Variants in BTBD1 observed in about 807,000 individuals in gnomAD.
BTBD1 encodes BTB domain containing 1, also known as BTB/POZ domain-containing protein 1.
BTBD1 carries 34 observed loss-of-function variants against 48.0 expected under a neutral mutation model. The ratio of observed to expected loss-of-function variants is 0.71; its 90% confidence interval spans 0.54 to 0.94. BTBD1 has a LOEUF of 0.94. Ranked by LOEUF, BTBD1 falls within the 40% of genes least tolerant of loss-of-function variation. The pLI is 0.00. For synonymous variants in BTBD1, 261 were observed against 242.1 expected, an observed-to-expected ratio of 1.08 and a Z score of -0.72; for missense variants, 543 against 625.6, an observed-to-expected ratio of 0.87 and a Z score of 1.41.
chr15:83,048,316 C>T (rs919708815), intron 3 of BTBD1, among the ~76,000 whole-genome samples: 7 of 152,240 alleles, frequency 4.6e-5, no homozygotes, highest in South Asian at 2.1e-4. Flanking sequence ...TTTAGCTGTT[C>T]TGTTTCAAAT....
In BTBD1 at chr15:83,056,530, A is replaced by T; in HGVS notation, c.417T>A (p.Asp139Glu). 1.9e-6 allele frequency: 3 copies of T among 1,613,656 alleles called. No homozygotes were observed. The highest frequency in any genetic ancestry group is 3.3e-5 in the Admixed American group (2 of 59,946). ...CTGTTTCTGGACCAATTTGAACTTCATCTGAATATAGAAATCTGGAAAACA... is the reference window on the plus strand; with the variant it reads ...CTGTTTCTGGACCAATTTGAACTTCTTCTGAATATAGAAATCTGGAAAACA... ...FLALLRFLYS[D>E]EVQIGPETVM... Residue 139 changes from aspartate (D) to glutamate (E), a missense_variant, in exon 2 of 8, where the codon GAT becomes GAA. Physicochemically the swap from Asp to Glu is conservative, Grantham distance 45 (BLOSUM62 2). Transcript: ENST00000261721.
intron 1 of BTBD1, among the ~76,000 whole-genome samples, chr15:83,057,070 T>C (rs1233994733): frequency 6.6e-6 from 1 of 152,094 alleles, no homozygotes; most frequent in Non-Finnish European, 1.5e-5. Flanking sequence ...GGGGAATGAA[T>C]AAAACCAGAG....
chr15:83,048,441 T>C (rs141323822), intron 3 of BTBD1, among the ~76,000 whole-genome samples: 10 of 152,306 alleles, frequency 6.6e-5, no homozygotes, highest in Non-Finnish European at 1.3e-4. Flanking sequence ...ATAAAGATAG[T>C]ATTTAAAGCC....
At chr15:83,020,121 A>T (rs889869940) in intron 6 of BTBD1, 5 of 152,242 alleles carry the variant, frequency 3.3e-5, no homozygotes, top group African/African-American at 1.2e-4. Context: ...AGAAAGAAAA[A>T]TTAGTTGGGC....
Position 83,018,193 on chromosome 15 carries a change from C to G in BTBD1, c.1323G>C (p.Leu441Phe). ...GPDSHYGTKG[L>F]KKVVHETPAA... ...CAGGTGTCTCATGCACTACTTTCTTCAATCCTTTTGTGCCATAGTGGGAAT... is the reference window on the plus strand; with the variant it reads ...CAGGTGTCTCATGCACTACTTTCTTGAATCCTTTTGTGCCATAGTGGGAAT... The change falls in exon 8 of 8, where the codon TTG (leucine) becomes TTC (phenylalanine). Residue 441 changes from leucine to phenylalanine, a missense_variant. Leu to Phe is a conservative substitution (Grantham distance 22). Transcript: ENST00000261721. 6.2e-7 allele frequency: 1 copy of G among 1,605,982 alleles called. No homozygotes were observed. The highest frequency in any genetic ancestry group is 8.5e-7 in the Non-Finnish European group (1 of 1,176,540).
Position 83,041,874 on chromosome 15 carries a change from C to T in BTBD1, c.716G>A (p.Arg239Gln), listed in dbSNP as rs770550153. The T allele has an allele frequency of 2.4e-5, 39 of 1,614,108 alleles. No homozygotes were observed. The East Asian group carries it at 6.2e-4, about 26-fold the overall frequency. Residue 239 changes from arginine (R) to glutamine (Q), a missense_variant, in exon 4 of 8, where the codon CGA (arginine) becomes CAA (glutamine). Physicochemically the swap from Arg to Gln is conservative, Grantham distance 43. Around this residue, in one of 3 missense-constraint regions of BTBD1, gnomAD observed 300 missense variants for 350.0 expected, o/e 0.86. Transcript: ENST00000261721. ...CCAGCGTACAACAGCTCCAAAAAGT[C>T]GACTTTCTCGAATACTGAGTGTGTC... ...ERDTLSIRES[R>Q]LFGAVVRWAE...
chr15:83,037,716 T>A (rs1364078684), intron 4 of BTBD1, among the ~76,000 whole-genome samples: 2 of 152,136 alleles, frequency 1.3e-5, no homozygotes, highest in Non-Finnish European at 2.9e-5. Context: ...AGAAATAAAA[T>A]GCACCCAAAT....
intron 5 of BTBD1, 30 bp downstream of exon 5, chr15:83,030,106 C>T (rs770749929): frequency 6.2e-7 from 1 of 1,606,274 alleles, no homozygotes; most frequent in Admixed American, 1.7e-5. Context: ...TACCCCCACT[C>T]TACCCCCGCA....
At chr15:83,022,991 A>G (rs917879617) in intron 5 of BTBD1, among the ~76,000 whole-genome samples, 4 of 152,212 alleles carry the variant, frequency 2.6e-5, no homozygotes, top group Non-Finnish European at 4.4e-5. Context: ...TTGTGCTTAA[A>G]AAAAAACAGA....
At chr15:83,066,709 C>A (rs1026120985) in intron 1 of BTBD1, 42 bp downstream of exon 1, 6 of 1,165,560 alleles carry the variant, frequency 5.1e-6, no homozygotes, top group African/African-American at 3.4e-5. Context: ...CCCGGCCCGG[C>A]CCGGCCCGGC....
At chr15:83,020,390 C>G (rs1325816124) in intron 6 of BTBD1, 6 of 264,202 alleles carry the variant, frequency 2.3e-5, no homozygotes, top group Non-Finnish European at 3.5e-5. Flanking sequence ...ATGAAAAAGG[C>G]AGGAGGATGT....
chr15:83,067,115 C>A lies in BTBD1; in HGVS notation c.37G>T (p.Ala13Ser). Residue 13 changes from alanine (A) to serine (S), a missense_variant, in exon 1 of 8, where the codon GCG (alanine) becomes TCG (serine). Physicochemically the swap from Ala to Ser is moderately conservative, Grantham distance 99. Around this residue, in one of 3 missense-constraint regions of BTBD1, gnomAD observed 173 missense variants for 163.9 expected, o/e 1.06. Coordinates refer to ENST00000261721, the MANE Select transcript of BTBD1 (RefSeq NM_025238.4). ...CCCGGCTCCGCCTCAGCCCCCGACG[C>A]CTGCTCCCCAGCTGCGGCAGGCCCG... ...SLGPAAAGEQ[A>S]SGAEAEPGPA... The A allele has an allele frequency of 6.8e-7, 1 of 1,462,186 alleles. No individual in the cohort carries two copies. 90.6% of individuals were successfully genotyped at this position (1,462,186 alleles called of 1,614,324 possible).
In BTBD1 at chr15:83,067,135, G is replaced by A. The variant is rs1423822270; in HGVS notation, c.17C>T (p.Pro6Leu). The A allele has an allele frequency of 6.9e-7, 1 of 1,439,080 alleles. No individual in the cohort carries two copies. Among genetic ancestry groups the A allele is most frequent in the Admixed American group, 3.2e-5 (1 of 30,876 alleles). 89.1% of individuals were successfully genotyped at this position (1,439,080 alleles called of 1,614,324 possible). A position where few individuals can be genotyped will look rare whatever the true frequency, so the allele number is the denominator to read the frequency against. The stretch of plus-strand genomic sequence containing the variant: ...CGACGCCTGCTCCCCAGCTGCGGCA[G>A]GCCCGAGTGAGGCCATCCTCCAGCT... Reference protein sequence around the residue: MASLGPAAAGEQASGA... With the variant: MASLGLAAAGEQASGA... Residue 6 changes from proline to leucine, a missense_variant, in exon 1 of 8, where the codon CCT becomes CTT. Around this residue, in one of 3 missense-constraint regions of BTBD1, gnomAD observed 173 missense variants for 163.9 expected, o/e 1.06. Transcript: ENST00000261721.
At position 83,050,186 on chromosome 15, in the gene BTBD1, T is replaced by G. The variant is rs565584254; in HGVS notation, c.559-8A>C. On this transcript the variant is annotated splice_region_variant and splice_polypyrimidine_tract_variant and intron_variant, in intron 2 of 7. Coordinates refer to ENST00000261721, the MANE Select transcript of BTBD1 (RefSeq NM_025238.4). ...TTCATCAAATAATCGAGCCTAAACA[T>G]ATAAAGAGATAGTTATTTAACTTTC... 3.2e-6 allele frequency: 5 copies of G among 1,561,098 alleles called. No individual in the cohort carries two copies. Among genetic ancestry groups the G allele is most frequent in the African/African-American group, 1.4e-5 (1 of 73,966 alleles).
At chr15:83,035,441 G>C (rs2032607231) in intron 4 of BTBD1, among the ~76,000 whole-genome samples, 1 of 151,706 alleles carries the variant, frequency 6.6e-6, no homozygotes, top group Admixed American at 6.6e-5. Flanking sequence ...GCAAGAGCAA[G>C]ATAAGAAGAA....
chr15:83,019,334 T>TGA (rs1381066841), intron 6 of BTBD1, among the ~76,000 whole-genome samples: 1 of 151,958 alleles, frequency 6.6e-6, no homozygotes, highest in Non-Finnish European at 1.5e-5. Context: ...AGTGCTGGTG[T>TGA]GAGCCACTGC....
rs981979469 is a variant in BTBD1, at chr15:83,016,423, T to G, written c.*1644A>C. On this transcript the variant is annotated 3_prime_UTR_variant, in exon 8 of 8. Coordinates refer to ENST00000261721, the MANE Select transcript of BTBD1 (RefSeq NM_025238.4). ...GAAAAAGGCAAATGACATAAAAGAG[T>G]TTTTTTTATATATATATATATTTAT... The G allele has an allele frequency of 4.0e-5, 6 of 150,440 alleles. No homozygotes were observed. Among genetic ancestry groups the G allele is most frequent in the Non-Finnish European group, 7.4e-5 (5 of 67,636 alleles). The allele number at this position is 150,440 out of a possible 1,614,324, so 9.3% of individuals were successfully genotyped here. A position where few individuals can be genotyped will look rare whatever the true frequency, so the allele number is the denominator to read the frequency against.
At chr15:83,030,385 T>C in intron 4 of BTBD1, 57 bp from the exon 5 acceptor site, 1 of 1,408,964 alleles carries the variant, frequency 7.1e-7, no homozygotes, top group Non-Finnish European at 9.9e-7. Context: ...TTCCTAACTT[T>C]GGAATTCACT....
At chr15:83,065,901 G>C (rs1023198149) in intron 1 of BTBD1, among the ~76,000 whole-genome samples, 1 of 152,210 alleles carries the variant, frequency 6.6e-6, no homozygotes, top group Non-Finnish European at 1.5e-5. Context: ...GTGACCTTGT[G>C]TGTAGAAACA....
Sources: allele counts gnomAD v4.1 joint callset (sites outside exome capture counted in the v4.1 genomes callset), GRCh38; gene constraint gnomAD v4.1.1; regional missense constraint gnomAD v4.1.1; transcripts MANE v1.5; gene names NCBI Gene and HGNC (gene_info 2026-07-23, HGNC 2026-07-21).